Variants in POLR3K observed in about 807,000 individuals in gnomAD.
POLR3K encodes RNA polymerase III subunit K.
A neutral mutation model predicts 13.5 loss-of-function variants in POLR3K; 11 were observed. The ratio of observed to expected loss-of-function variants is 0.81; its 90% CI spans 0.51 to 1.35. The LOEUF (loss-of-function observed/expected upper bound fraction) is 1.35, where lower values mean the gene tolerates loss of function less well. POLR3K is among the 40% of genes most tolerant of loss of function. The probability of loss-of-function intolerance (pLI) is 0.00; values close to 1 mark genes in which losing one functional copy is unlikely to be tolerated. For synonymous variants in POLR3K, 56 were observed against 51.5 expected, an observed-to-expected ratio of 1.09 and a Z score of -0.38; for missense variants, 144 against 145.3, an observed-to-expected ratio of 0.99 and a Z score of 0.05.
At chr16:52,826 A>G (rs923570157) in intron 1 of POLR3K, among the ~76,000 whole-genome samples, 5 of 151,612 alleles carry the variant, frequency 3.3e-5, no homozygotes, top group African/African-American at 1.2e-4. Context: ...AGCACACAAT[A>G]CATTACATAA....
rs1897331307 is a variant in POLR3K at position 51,618 on chromosome 16, T to C, written c.139A>G (p.Lys47Glu). Reference sequence around the variant, plus strand: ...CCACCAAGCACATCATCCACTTCTTTCAGTTTTGGGTACTTCCGATTTGTT... The same window carrying C: ...CCACCAAGCACATCATCCACTTCTTCCAGTTTTGGGTACTTCCGATTTGTT... ...KVTNRKYPKL[K>E]EVDDVLGGAA... The change falls in exon 2 of 3, where the codon AAA (lysine) becomes GAA (glutamate). Residue 47 changes from lysine (K) to glutamate (E), a missense_variant. Physicochemically the swap from Lys to Glu is moderately conservative, Grantham distance 56. Coordinates refer to ENST00000293860, the MANE Select transcript of POLR3K (RefSeq NM_016310.5). The C allele has an allele frequency of 6.2e-6, 10 of 1,614,134 alleles. No individual in the cohort carries two copies. Among genetic ancestry groups the C allele is most frequent in the Non-Finnish European group, 6.8e-6 (8 of 1,180,002 alleles).
intron 2 of POLR3K, among the ~76,000 whole-genome samples, chr16:49,969 C>CT (rs935821271): frequency 4.0e-5 from 6 of 150,826 alleles, no homozygotes; most frequent in Admixed American, 2.6e-4. Context: ...TTTGTATGTT[C>CT]TTTTTTTTGA....
At chr16:51,023 C>G (rs1290860836) in intron 2 of POLR3K, among the ~76,000 whole-genome samples, 1 of 152,200 alleles carries the variant, frequency 6.6e-6, no homozygotes, top group Admixed American at 6.5e-5. Flanking sequence ...GGGGAAACCG[C>G]TCCCATGATT....
Position 53,548 on chromosome 16 carries a change from G to C in POLR3K, c.39C>G (p.Ile13Met), listed in dbSNP as rs1410437075. ...LFCPGCGNGLIVEEGQRCHRF... is the reference protein window; with the variant it reads ...LFCPGCGNGLMVEEGQRCHRF... ...GGTGGCAGCGTTGTCCCTCCTCCACGATCAGCCCGTTCCCGCAGCCGGGGC... is the reference window on the plus strand; with the variant it reads ...GGTGGCAGCGTTGTCCCTCCTCCACCATCAGCCCGTTCCCGCAGCCGGGGC... The change falls in exon 1 of 3, where the codon ATC becomes ATG. Residue 13 changes from isoleucine (I) to methionine (M), a missense_variant. Coordinates refer to ENST00000293860, the MANE Select transcript of POLR3K (RefSeq NM_016310.5). 2 of 1,613,064 alleles carry C rather than the reference G, an allele frequency of 1.2e-6. No homozygotes were observed. Among genetic ancestry groups the C allele is most frequent in the East Asian group, 4.5e-5 (2 of 44,736 alleles).
At chr16:47,658 G>C (rs1037002514) in intron 2 of POLR3K, 101 bp from the exon 3 acceptor site, 1 of 1,253,800 alleles carries the variant, frequency 8.0e-7, no homozygotes. Context: ...AAGGCGGGCG[G>C]ATCACCTGAG....
At chr16:49,441 C>T (rs1178363383) in intron 2 of POLR3K, among the ~76,000 whole-genome samples, 2 of 150,632 alleles carry the variant, frequency 1.3e-5, no homozygotes, top group South Asian at 2.2e-4. Context: ...ACTTATCCTA[C>T]ACCTGACAGA....
rs537008962 is a variant in POLR3K at position 47,777 on chromosome 16, A to G, written c.200-220T>C. Among the ~76,000 whole-genome samples, 372 of 123,658 alleles carry G rather than the reference A, an allele frequency of 3.0e-3. 2 individuals are homozygous for G. The highest frequency in any genetic ancestry group is 5.0e-3 in the Non-Finnish European group (310 of 62,042). 81.1% of individuals were successfully genotyped at this position (123,658 alleles called of 152,430 possible). A position where few individuals can be genotyped will look rare whatever the true frequency, so the allele number is the denominator to read the frequency against. ...GCGCCTTTAATCCCAGCTACTTGGG[A>G]GGCTGAGGCAGGAGAATCGCTTGAA... On this transcript the variant is annotated intron_variant, in intron 2 of 2. Coordinates refer to ENST00000293860, the MANE Select transcript of POLR3K (RefSeq NM_016310.5).
At chr16:48,794 G>C (rs1897305901) in intron 2 of POLR3K, among the ~76,000 whole-genome samples, 2 of 150,400 alleles carry the variant, frequency 1.3e-5, no homozygotes, top group South Asian at 2.1e-4. Context: ...TTGGGCAACA[G>C]AGTGAGACTC....
At chr16:48,638 C>T (rs1230373317) in intron 2 of POLR3K, among the ~76,000 whole-genome samples, 1 of 151,502 alleles carries the variant, frequency 6.6e-6, no homozygotes, top group South Asian at 2.1e-4. Flanking sequence ...GGTGAAACCC[C>T]GTCTCTACTA....
intron 1 of POLR3K, among the ~76,000 whole-genome samples, chr16:52,452 A>T: frequency 1.8e-4 from 1 of 5,520 alleles, no homozygotes; most frequent in Non-Finnish European, 4.4e-4. Flanking sequence ...GTCTCAAAAA[A>T]AAAAAAAAAA....
At chr16:52,057 G>A (rs1279342206) in intron 1 of POLR3K, 2 of 171,808 alleles carry the variant, frequency 1.2e-5, no homozygotes, top group South Asian at 2.3e-4. Context: ...TCTTCCCGTA[G>A]TTTCAAACTC....
chr16:48,433 G>C (rs1897302539), intron 2 of POLR3K, among the ~76,000 whole-genome samples: 2 of 152,328 alleles, frequency 1.3e-5, no homozygotes, highest in South Asian at 2.1e-4. Context: ...TTGTGCTGCT[G>C]TAACAAAATG....
chr16:51,290 G>T (rs1308617170), intron 2 of POLR3K, among the ~76,000 whole-genome samples: 1 of 148,234 alleles, frequency 6.7e-6, no homozygotes, highest in Non-Finnish European at 1.5e-5. Context: ...TAGCCCCAGA[G>T]AAGTCAAGAG....
intron 2 of POLR3K, among the ~76,000 whole-genome samples, chr16:50,882 T>G (rs1169417193): frequency 3.3e-5 from 5 of 152,156 alleles, no homozygotes; most frequent in Non-Finnish European, 7.3e-5. Context: ...TCAGGAAACC[T>G]ACAATCATGG....
At chr16:53,426 G>C in intron 1 of POLR3K, 50 bp downstream of exon 1, 10 of 1,539,584 alleles carry the variant, frequency 6.5e-6, no homozygotes, top group Non-Finnish European at 8.7e-6. Flanking sequence ...CGGAGGACGC[G>C]GAAGGCCTGC....
Position 47,537 on chromosome 16 carries a change from G to A in POLR3K, c.220C>T (p.His74Tyr), listed in dbSNP as rs148713689. The A allele has an allele frequency of 6.4e-5, 103 of 1,612,232 alleles. No individual in the cohort carries two copies. In the African/African-American group the frequency reaches 1.2e-3, roughly 19 times the overall value. ...AGCTGCATGAAGTAAGCACGAGGAT[G>A]TTCGCATTTGGGACACGACTCTGGC... ...STAESCPKCE[H>Y]PRAYFMQLQT... Residue 74 changes from histidine to tyrosine, a missense_variant, in exon 3 of 3, where the codon CAT (histidine) becomes TAT (tyrosine). Coordinates refer to ENST00000293860, the MANE Select transcript of POLR3K (RefSeq NM_016310.5).
chr16:51,811 G>C (rs780695881), intron 1 of POLR3K, 166 bp from the exon 2 acceptor site: 49 of 563,618 alleles, frequency 8.7e-5, no homozygotes, highest in Admixed American at 5.6e-4. Flanking sequence ...ACGAGGTCAA[G>C]AGATCGAGAC....
intron 2 of POLR3K, among the ~76,000 whole-genome samples, chr16:51,214 G>C (rs56940461): frequency 0.018 from 2,752 of 152,122 alleles, 75 homozygotes; most frequent in African/African-American, 0.061. Flanking sequence ...ATCACCTGTT[G>C]AGTGCCTCTT....
chr16:53,535 G>A lies in POLR3K; in HGVS notation c.52C>T (p.Gln18Ter). 6.2e-7 allele frequency: 1 copy of A among 1,613,248 alleles called. No homozygotes were observed. ...TTGCAGGCGAAGCGGTGGCAGCGTT[G>A]TCCCTCCTCCACGATCAGCCCGTTC... The part of the protein sequence containing the change: ...CGNGLIVEEG[Q>*]RCHRFACNTC... Residue 18 changes from glutamine to a stop codon, truncating the protein, a stop_gained, in exon 1 of 3, where the codon CAA becomes TAA. Coordinates refer to ENST00000293860, the MANE Select transcript of POLR3K (RefSeq NM_016310.5). LOFTEE classifies it high-confidence loss of function.
Sources: gnomAD v4.1 joint callset for allele counts (sites outside exome capture counted in the v4.1 genomes callset) on GRCh38, gnomAD v4.1.1 for gene constraint, MANE v1.5 for transcripts, NCBI Gene and HGNC (gene_info 2026-07-23, HGNC 2026-07-21) for gene names.